The following STARD9 variants were observed in gnomAD, a reference collection of about 807,000 sequenced individuals.
STARD9 encodes the protein StAR related lipid transfer domain containing 9.
STARD9 carries 346 observed loss-of-function variants against 399.8 expected under a neutral mutation model. The observed-to-expected ratio is 0.87, with a 90% CI of 0.79 to 0.95. The LOEUF is 0.95. Ranked by LOEUF, STARD9 falls within the 40% of genes least tolerant of loss-of-function variation. STARD9 has a pLI of 0.00. For synonymous variants in STARD9, 2,203 were observed against 2,143.5 expected (o/e 1.03, Z -0.77); for missense variants, 5,832 against 5,667.5 (o/e 1.03, Z -0.93).
intron 9 of STARD9, among the ~76,000 whole-genome samples, chr15:42,653,634 G>C (rs1336978906): frequency 6.6e-6 from 1 of 151,944 alleles, no homozygotes; most frequent in Non-Finnish European, 1.5e-5. Context: ...ATAAAAAACT[G>C]GCAATAAGAA....
chr15:42,675,054 TA>T, intron 18 of STARD9, 90 bp downstream of exon 18: 1 of 1,333,464 alleles, frequency 7.5e-7, no homozygotes, highest in Non-Finnish European at 9.7e-7. Flanking sequence ...AAGCAGGCTT[TA>T]AAAATGGATC....
chr15:42,680,690 G>A (rs1001460633), intron 20 of STARD9, among the ~76,000 whole-genome samples: 4 of 152,112 alleles, frequency 2.6e-5, no homozygotes, highest in Non-Finnish European at 5.9e-5. Context: ...GCTAATCTTA[G>A]TTCATTTATA....
rs1248970682 is a variant in STARD9 at position 42,718,082 on chromosome 15, G to A, written c.13665G>A (p.Val4555=). The A allele has an allele frequency of 6.5e-7, 1 of 1,537,248 alleles. No homozygotes were observed. The highest frequency in any genetic ancestry group is 8.7e-7 in the Non-Finnish European group (1 of 1,146,906). ...TGGTGTCCCAGCCGCTGTCTCGTGT[G>A]TGGGCGGCTGTCAGTGACCCCACTG... The part of the protein sequence containing the change: ...AGVVSQPLSR[V]WAAVSDPTVW... The change falls in exon 30 of 33, where the codon GTG becomes GTA. Residue 4555 remains valine, a synonymous_variant. Coordinates refer to ENST00000290607, the MANE Select transcript of STARD9 (RefSeq NM_020759.3).
rs1299047696 is a variant in STARD9, at chr15:42,685,611, A to G, written c.4033A>G (p.Ile1345Val). 3.9e-6 allele frequency: 6 copies of G among 1,537,446 alleles called. No individual in the cohort carries two copies. The highest frequency in any genetic ancestry group is 5.2e-6 in the Non-Finnish European group (6 of 1,146,964). The change falls in exon 23 of 33, where the codon ATC (isoleucine) becomes GTC (valine). Residue 1345 changes from isoleucine (I) to valine (V), a missense_variant. Physicochemically the swap from Ile to Val is conservative, Grantham distance 29. Coordinates refer to ENST00000290607, the MANE Select transcript of STARD9 (RefSeq NM_020759.3). Reference protein sequence around the residue: ...MDSWFSCDSKINPSSPPGIVG... With the variant: ...MDSWFSCDSKVNPSSPPGIVG... The stretch of plus-strand genomic sequence containing the variant: ...TTCCTGGTTTTCCTGTGACTCTAAG[A>G]TCAACCCCAGCAGCCCCCCAGGAAT...
chr15:42,694,232 C>A lies in STARD9; in HGVS notation c.12654C>A (p.His4218Gln). ...TGGAACTCACAGAAGCGAAACTGCA[C>A]CATGGCTTTGGGGAGGCCGATGCCC... is the stretch of plus-strand genomic sequence containing the variant. Reference protein sequence around the residue: ...LSVELTEAKLHHGFGEADALL... With the variant: ...LSVELTEAKLQHGFGEADALL... The change falls in exon 23 of 33, where the codon CAC (histidine) becomes CAA (glutamine). Residue 4218 changes from histidine (H) to glutamine (Q), a missense_variant. Around this residue, in one of 2 missense-constraint regions of STARD9, gnomAD observed 5,828 missense variants for 5,651.1 expected, o/e 1.03. Coordinates refer to ENST00000290607, the MANE Select transcript of STARD9 (RefSeq NM_020759.3). The A allele has an allele frequency of 6.5e-7, 1 of 1,534,884 alleles. No individual in the cohort carries two copies. The highest frequency in any genetic ancestry group is 8.7e-7 in the Non-Finnish European group (1 of 1,145,790).
At chr15:42,591,887 C>T (rs1040212964) in intron 3 of STARD9, among the ~76,000 whole-genome samples, 4 of 152,172 alleles carry the variant, frequency 2.6e-5, no homozygotes, top group East Asian at 1.9e-4. Context: ...ACTTCATTCA[C>T]GTTCTATTAG....
chr15:42,585,720 C>A, intron 3 of STARD9, 83 bp downstream of exon 3: 1 of 930,626 alleles, frequency 1.1e-6, no homozygotes, highest in Non-Finnish European at 1.6e-6. Flanking sequence ...AGATACTTTG[C>A]AAGGTTAGTA....
chr15:42,691,920 G>GA lies in STARD9; in HGVS notation c.10346dup (p.Asn3449LysfsTer17). 1 of 1,537,280 alleles carries GA rather than the reference G, an allele frequency of 6.5e-7. No individual in the cohort carries two copies. Among genetic ancestry groups the GA allele is most frequent in the Non-Finnish European group, 8.7e-7 (1 of 1,146,916 alleles). ...GAAACTGGGTGTCCAGGTTAGGCCA[G>GA]AAAATTGGTGCTCTCAGATGGACAA... On this transcript the variant is annotated frameshift_variant, in exon 23 of 33. Transcript: ENST00000290607. LOFTEE classifies it high-confidence loss of function.
chr15:42,687,121 A>T lies in STARD9; in HGVS notation c.5543A>T (p.Tyr1848Phe). ...NITEESHDSV[Y>F]SSVTQNRHFL... ...ACAGAAGAAAGCCATGATTCAGTTT[A>T]TTCTTCTGTTACTCAGAACAGACAT... The change falls in exon 23 of 33, where the codon TAT (tyrosine) becomes TTT (phenylalanine). Residue 1848 changes from tyrosine to phenylalanine, a missense_variant. Tyr to Phe is a conservative substitution (Grantham distance 22). Transcript: ENST00000290607. The T allele has an allele frequency of 6.5e-7, 1 of 1,537,298 alleles. No homozygotes were observed. Among genetic ancestry groups the T allele is most frequent in the Non-Finnish European group, 8.7e-7 (1 of 1,146,920 alleles).
At chr15:42,588,208 A>ATGTG (rs71947615) in intron 3 of STARD9, among the ~76,000 whole-genome samples, 105 of 150,264 alleles carry the variant, frequency 7.0e-4, no homozygotes, top group Non-Finnish European at 1.0e-3. Flanking sequence ...TTAAAATTTT[A>ATGTG]TGTGTGTGTG....
intron 3 of STARD9, 109 bp from the exon 4 acceptor site, chr15:42,634,747 A>C (rs1275221218): frequency 2.3e-5 from 13 of 565,822 alleles, no homozygotes; most frequent in Non-Finnish European, 3.7e-5. Context: ...GTGAATTAAT[A>C]GTCATGTATG....
At chr15:42,601,068 TCTTAACGAGTATG>T in intron 3 of STARD9, among the ~76,000 whole-genome samples, 1 of 152,184 alleles carries the variant, frequency 6.6e-6, no homozygotes, top group South Asian at 2.1e-4. Context: ...TGGTGATGAC[TCTTAACGAGTATG>T]CTGCCTTCAA....
chr15:42,640,716 G>A (rs970413592), intron 7 of STARD9, among the ~76,000 whole-genome samples: 3 of 151,630 alleles, frequency 2.0e-5, no homozygotes, highest in African/African-American at 7.3e-5. Context: ...AGCTACTCGT[G>A]AGGCTGAGGC....
At chr15:42,645,379 A>G (rs1157188659) in intron 7 of STARD9, among the ~76,000 whole-genome samples, 1 of 152,206 alleles carries the variant, frequency 6.6e-6, no homozygotes, top group Non-Finnish European at 1.5e-5. Flanking sequence ...CGTCTCCATC[A>G]GAGCCCTTGG....
intron 3 of STARD9, among the ~76,000 whole-genome samples, chr15:42,607,193 G>GTTT (rs2058745768): frequency 3.2e-5 from 1 of 31,698 alleles, no homozygotes; most frequent in Non-Finnish European, 1.0e-4. Context: ...TTTTTCTGGT[G>GTTT]CTTTTTTTTT....
chr15:42,643,622 G>C (rs546340248), intron 7 of STARD9, among the ~76,000 whole-genome samples: 22,600 of 151,876 alleles, frequency 0.15, 4,750 homozygotes, highest in African/African-American at 0.47. Context: ...GAGGCAGCTA[G>C]TCCTGACTAG....
chr15:42,626,995 G>T (rs184168974), intron 3 of STARD9, among the ~76,000 whole-genome samples: 1 of 152,142 alleles, frequency 6.6e-6, no homozygotes, highest in Admixed American at 6.5e-5. Flanking sequence ...AGGCCTCTCA[G>T]CCTCCCAAAG....
Position 42,691,274 on chromosome 15 carries a change from C to T in STARD9, c.9696C>T (p.Pro3232=). Residue 3232 remains proline (P), a synonymous_variant, in exon 23 of 33, where the codon CCC becomes CCT. Coordinates refer to ENST00000290607, the MANE Select transcript of STARD9 (RefSeq NM_020759.3). The part of the protein sequence containing the change: ...GGEGFAQGVN[P]LPDEDGLDGC... ...AAGGCTTCGCCCAGGGTGTGAATCC[C>T]CTTCCTGATGAAGATGGCTTAGATG... 1.3e-6 allele frequency: 2 copies of T among 1,537,214 alleles called. No individual in the cohort carries two copies. The highest frequency in any genetic ancestry group is 1.2e-5 in the South Asian group (1 of 84,060).
intron 3 of STARD9, among the ~76,000 whole-genome samples, chr15:42,627,311 A>G (rs936170431): frequency 2.2e-4 from 34 of 152,134 alleles, no homozygotes; most frequent in African/African-American, 8.0e-4. Flanking sequence ...AAGAAAAAAA[A>G]TTATGGGTAC....
Sources: gnomAD v4.1 joint callset for allele counts (sites outside exome capture counted in the v4.1 genomes callset) on GRCh38, gnomAD v4.1.1 for gene constraint, gnomAD v4.1.1 regional missense constraint, MANE v1.5 for transcripts, NCBI Gene and HGNC (gene_info 2026-07-23, HGNC 2026-07-21) for gene names.